The following SLC17A3 variants were observed in gnomAD, a reference collection of about 807,000 sequenced individuals.
SLC17A3 encodes solute carrier family 17 member 3.
In SLC17A3, 61 loss-of-function variants were observed where a neutral mutation model predicts 60.3. The observed-to-expected ratio is 1.01, with a 90% CI of 0.82 to 1.25. The LOEUF is 1.25. Ranked by LOEUF, SLC17A3 falls within the 50% of genes most tolerant of loss-of-function variation. SLC17A3 has a pLI of 0.00. For missense variants in SLC17A3, 624 were observed against 594.9 expected (o/e 1.05, Z -0.51); for synonymous variants, 192 against 208.9 (o/e 0.92, Z 0.70).
At chr6:25,854,390 C>T (rs901071341) in intron 6 of SLC17A3, among the ~76,000 whole-genome samples, 1 of 151,864 alleles carries the variant, frequency 6.6e-6, no homozygotes, top group Non-Finnish European at 1.5e-5. Flanking sequence ...TGTTCTGAAG[C>T]CATTCTTATC....
At chr6:25,852,081 G>C (rs982209533) in intron 6 of SLC17A3, among the ~76,000 whole-genome samples, 2 of 151,450 alleles carry the variant, frequency 1.3e-5, no homozygotes, top group African/African-American at 2.4e-5. Context: ...TTTTCACTGG[G>C]TCTAGAATTC....
chr6:25,867,813 T>C (rs1274010287), intron 2 of SLC17A3, among the ~76,000 whole-genome samples: 1 of 151,880 alleles, frequency 6.6e-6, no homozygotes, highest in Non-Finnish European at 1.5e-5. Flanking sequence ...CTATATGCTG[T>C]CAAGTTAGAA....
At chr6:25,870,175 TG>T (rs891532891) in intron 1 of SLC17A3, among the ~76,000 whole-genome samples, 2 of 152,016 alleles carry the variant, frequency 1.3e-5, no homozygotes, top group African/African-American at 2.4e-5. Flanking sequence ...GTAGTATTAA[TG>T]TCTCTTCAGA....
At chr6:25,858,762 G>T (rs975353948) in intron 5 of SLC17A3, among the ~76,000 whole-genome samples, 1 of 152,096 alleles carries the variant, frequency 6.6e-6, no homozygotes, top group Non-Finnish European at 1.5e-5. Context: ...CCATTCAGAT[G>T]CCTAACAGTT....
rs79079486 is a variant in SLC17A3 at position 25,863,445 on chromosome 6, A to G, written c.92-1001T>C. 1.6e-4 allele frequency among the ~76,000 whole-genome samples: 25 copies of G among 152,258 alleles called. No homozygotes were observed. In the East Asian group the frequency reaches 4.8e-3, roughly 29 times the overall value. The stretch of plus-strand genomic sequence containing the variant: ...GCTGTATTTATCTGGGCTCAGATTT[A>G]TTACACAAGGACTTCAGGCAGAGCA... On this transcript the variant is annotated intron_variant, in intron 2 of 12. Transcript: ENST00000397060.
intron 2 of SLC17A3, among the ~76,000 whole-genome samples, chr6:25,867,172 C>T (rs1014827277): frequency 2.6e-5 from 4 of 151,928 alleles, no homozygotes; most frequent in Admixed American, 1.3e-4. Context: ...TGTATAGAAT[C>T]CAACAACTTC....
chr6:25,861,043 G>A (rs2151524265), intron 5 of SLC17A3, among the ~76,000 whole-genome samples: 1 of 152,186 alleles, frequency 6.6e-6, no homozygotes, highest in East Asian at 1.9e-4. Flanking sequence ...TTCTCACCCA[G>A]CACCCACTTT....
chr6:25,850,113 A>G lies in SLC17A3; in HGVS notation c.1058T>C (p.Leu353Pro). The change falls in exon 9 of 13, where the codon CTG (leucine) becomes CCG (proline). Residue 353 changes from leucine (L) to proline (P), a missense_variant. Physicochemically the swap from Leu to Pro is moderately conservative, Grantham distance 98. Coordinates refer to ENST00000397060, the MANE Select transcript of SLC17A3 (RefSeq NM_001098486.2). ...CTTTTTGGTTAGAAGGAAATCTGCC[A>G]GATAGCCTCCCACCATGCCTATGAC... is the stretch of plus-strand genomic sequence containing the variant. ...AWVIGMVGGY[L>P]ADFLLTKKFR... The G allele has an allele frequency of 6.2e-7, 1 of 1,613,918 alleles. No homozygotes were observed. Among genetic ancestry groups the G allele is most frequent in the Non-Finnish European group, 8.5e-7 (1 of 1,179,804 alleles).
chr6:25,850,925 G>T, intron 6 of SLC17A3, 48 bp from the exon 7 acceptor site: 1 of 1,339,836 alleles, frequency 7.5e-7, no homozygotes, highest in Non-Finnish European at 1.1e-6. Flanking sequence ...TCTGCTTTTT[G>T]GGTGAACTTC....
chr6:25,860,007 C>T (rs940533412), intron 5 of SLC17A3, among the ~76,000 whole-genome samples: 5 of 152,128 alleles, frequency 3.3e-5, no homozygotes, highest in Non-Finnish European at 7.3e-5. Flanking sequence ...ACCAAAGTAT[C>T]AAGGCATTTT....
intron 5 of SLC17A3, among the ~76,000 whole-genome samples, chr6:25,856,290 A>G (rs1017060652): frequency 3.3e-5 from 5 of 152,066 alleles, no homozygotes; most frequent in African/African-American, 9.7e-5. Flanking sequence ...GAGATTTATT[A>G]CAATGGTGCA....
chr6:25,866,729 T>C (rs78922988), intron 2 of SLC17A3, among the ~76,000 whole-genome samples: 6,453 of 151,978 alleles, frequency 0.042, 389 homozygotes, highest in African/African-American at 0.13. Context: ...ATAAGAATAC[T>C]CAGAAAAATC....
chr6:25,859,724 C>T (rs1765416233), intron 5 of SLC17A3, among the ~76,000 whole-genome samples: 1 of 152,202 alleles, frequency 6.6e-6, no homozygotes, highest in African/African-American at 2.4e-5. Flanking sequence ...CAGAACCACA[C>T]CATCAGTGGT....
intron 8 of SLC17A3, 22 bp downstream of exon 8, chr6:25,850,437 G>C: frequency 6.2e-7 from 1 of 1,611,896 alleles, no homozygotes; most frequent in Non-Finnish European, 8.5e-7. Context: ...CAGGAGAAAG[G>C]AAGGGAAGGA....
chr6:25,868,352 C>T lies in SLC17A3; in HGVS notation c.36G>A (p.Arg12=). ...ATKTELSPTA[R]ESKNAQDMQV... is the part of the protein sequence containing the mutation. ...GCATATCTTGTGCGTTCTTGCTCTCCCTTGCTGTGGGACTCAACTCTGTCT... is the reference window on the plus strand; with the variant it reads ...GCATATCTTGTGCGTTCTTGCTCTCTCTTGCTGTGGGACTCAACTCTGTCT... The change falls in exon 2 of 13, where the codon AGG becomes AGA. Residue 12 remains arginine (R), a synonymous_variant. Coordinates refer to ENST00000397060, the MANE Select transcript of SLC17A3 (RefSeq NM_001098486.2). 6.2e-7 allele frequency: 1 copy of T among 1,612,074 alleles called. No homozygotes were observed. The highest frequency in any genetic ancestry group is 8.5e-7 in the Non-Finnish European group (1 of 1,178,794).
intron 5 of SLC17A3, among the ~76,000 whole-genome samples, chr6:25,856,224 G>A (rs1053171027): frequency 1.3e-5 from 2 of 151,586 alleles, no homozygotes; most frequent in Admixed American, 1.3e-4. Context: ...GTTTTTTCTT[G>A]TTGTTGTTTC....
At position 25,862,410 on chromosome 6, in the gene SLC17A3, G is replaced by C. The variant is rs146348149; in HGVS notation, c.126C>G (p.Ala42=). 2,169 of 1,613,290 alleles carry C rather than the reference G, an allele frequency of 1.3e-3. 3 individuals are homozygous for C. The highest frequency in any genetic ancestry group is 1.7e-3 in the Non-Finnish European group (2,056 of 1,179,576). Residue 42 remains alanine, a synonymous_variant, in exon 3 of 13, where the codon GCC becomes GCG. Transcript: ENST00000397060. ...PSLCSARYGI[A]LVLHFCNFTT... ...TGAAATTGCAGAAATGTAAGACGAG[G>C]GCTATTCCATAGCGAGCAGAACATA...
In SLC17A3 at chr6:25,869,676, C is replaced by G. The variant is rs911136650; in HGVS notation, c.-33-1256G>C. 2.0e-5 allele frequency among the ~76,000 whole-genome samples: 3 copies of G among 152,040 alleles called. No homozygotes were observed. In the East Asian group the frequency reaches 5.8e-4, roughly 30 times the overall value. ...CAAGAGAGCTTGTGCAGGGGAACTC[C>G]CATTTATAAAACTATCAGAACTCAT... On this transcript the variant is annotated intron_variant, in intron 1 of 12. Coordinates refer to ENST00000397060, the MANE Select transcript of SLC17A3 (RefSeq NM_001098486.2).
At chr6:25,866,623 G>A (rs1765540006) in intron 2 of SLC17A3, among the ~76,000 whole-genome samples, 1 of 151,918 alleles carries the variant, frequency 6.6e-6, no homozygotes, top group African/African-American at 2.4e-5. Context: ...AAGCCTAGTT[G>A]AATGACTATA....
Sources: gnomAD v4.1 joint callset for allele counts (sites outside exome capture counted in the v4.1 genomes callset) on GRCh38, gnomAD v4.1.1 for gene constraint, MANE v1.5 for transcripts, NCBI Gene and HGNC (gene_info 2026-07-23, HGNC 2026-07-21) for gene names.